The following TMEM209 variants were observed in gnomAD, a reference collection of about 807,000 sequenced individuals.
The protein encoded by TMEM209 is testicular tissue protein Li 202.
TMEM209 carries 65 observed loss-of-function variants against 76.2 expected under a neutral mutation model. The ratio of observed to expected loss-of-function variants is 0.85; its 90% CI spans 0.70 to 1.05. TMEM209 has a LOEUF of 1.05. TMEM209 is among the 50% of genes least tolerant of loss of function. The pLI, the probability that TMEM209 is intolerant of heterozygous loss-of-function variation, is 0.00. For missense variants in TMEM209, 623 were observed against 685.5 expected, an observed-to-expected ratio of 0.91 and a Z score of 1.02; for synonymous variants, 239 against 237.6, an observed-to-expected ratio of 1.01 and a Z score of -0.06.
chr7:130,187,168 G>A (rs922016141), intron 6 of TMEM209, among the ~76,000 whole-genome samples: 2 of 151,574 alleles, frequency 1.3e-5, no homozygotes, highest in Non-Finnish European at 2.9e-5. Flanking sequence ...GCTTGAACCC[G>A]GGAAGCGGAG....
At chr7:130,180,815 G>C (rs1181894069) in intron 9 of TMEM209, among the ~76,000 whole-genome samples, 1 of 152,200 alleles carries the variant, frequency 6.6e-6, no homozygotes, top group Non-Finnish European at 1.5e-5. Flanking sequence ...CATATGACAA[G>C]TGTTGCAAGG....
intron 11 of TMEM209, among the ~76,000 whole-genome samples, chr7:130,174,935 A>T (rs1198712662): frequency 2.6e-5 from 4 of 152,176 alleles, no homozygotes; most frequent in Non-Finnish European, 5.9e-5. Context: ...ACAGAAGTGG[A>T]AAAAAAGCAG....
rs934562782 is a variant in TMEM209 at position 130,202,596 on chromosome 7, A to G, written c.267T>C (p.Thr89=). 1.9e-6 allele frequency: 3 copies of G among 1,613,990 alleles called. No individual in the cohort carries two copies. Among genetic ancestry groups the G allele is most frequent in the Admixed American group, 1.7e-5 (1 of 60,026 alleles). The change falls in exon 4 of 15, where the codon ACT becomes ACC. Residue 89 remains threonine (T), a synonymous_variant. Coordinates refer to ENST00000397622, the MANE Select transcript of TMEM209 (RefSeq NM_032842.4). Reference sequence around the variant, plus strand: ...TAACAACCAGACTTGTTGGTGCCACAGTATATTTGAAATATCTCCAAAAAT... The same window carrying G: ...TAACAACCAGACTTGTTGGTGCCACGGTATATTTGAAATATCTCCAAAAAT... ...LFDFWRYFKY[T]VAPTSLVVSP...
Position 130,165,012 on chromosome 7 carries a change from A to G in TMEM209, c.*1439T>C, listed in dbSNP as rs894277555. On this transcript the variant is annotated 3_prime_UTR_variant, in exon 15 of 15. Coordinates refer to ENST00000397622, the MANE Select transcript of TMEM209 (RefSeq NM_032842.4). ...CAAATACAGAACTGTACTGACTTAA[A>G]TTTGGAATTTACTAATTACTGGGGA... The G allele has an allele frequency of 6.6e-6, 1 of 152,212 alleles. No individual in the cohort carries two copies. Among genetic ancestry groups the G allele is most frequent in the Non-Finnish European group, 1.5e-5 (1 of 68,010 alleles). 9.4% of individuals were successfully genotyped at this position (152,212 alleles called of 1,614,324 possible).
rs756606396 is a variant in TMEM209, at chr7:130,192,724, C to T, written c.673G>A (p.Val225Ile). ...TCTTTGTCAGTAGGTGAGTTGTAGA[C>T]GGTAGGTGAAGAACGGTAGCGAGAT... ...LRSRYRSSPTVYNSPTDKEDY... is the reference protein window; with the variant it reads ...LRSRYRSSPTIYNSPTDKEDY... Residue 225 changes from valine (V) to isoleucine (I), a missense_variant, in exon 6 of 15, where the codon GTC becomes ATC. Physicochemically the swap from Val to Ile is conservative, Grantham distance 29. Coordinates refer to ENST00000397622, the MANE Select transcript of TMEM209 (RefSeq NM_032842.4). 35 of 1,613,674 alleles carry T rather than the reference C, an allele frequency of 2.2e-5. No individual in the cohort carries two copies. Among genetic ancestry groups the T allele is most frequent in the South Asian group, 2.2e-5 (2 of 91,078 alleles).
At chr7:130,201,380 CT>C (rs1393607647) in intron 5 of TMEM209, among the ~76,000 whole-genome samples, 1 of 152,006 alleles carries the variant, frequency 6.6e-6, no homozygotes, top group Non-Finnish European at 1.5e-5. Context: ...AAGGTTCCTA[CT>C]ATTCCATGGA....
chr7:130,196,403 T>A (rs760155466), intron 5 of TMEM209, among the ~76,000 whole-genome samples: 24 of 152,062 alleles, frequency 1.6e-4, no homozygotes, highest in Non-Finnish European at 1.2e-4. Flanking sequence ...CAGACACTGA[T>A]GTAGGTAGCA....
chr7:130,195,715 T>C (rs1797947971), intron 5 of TMEM209, among the ~76,000 whole-genome samples: 1 of 152,124 alleles, frequency 6.6e-6, no homozygotes, highest in Non-Finnish European at 1.5e-5. Flanking sequence ...TGTTTTTATG[T>C]TTTTTCGGTT....
chr7:130,202,637 G>A lies in TMEM209; in HGVS notation c.226C>T (p.Leu76Phe), dbSNP rs760892839. ...IELALASLFSLNALFDFWRYF... is the reference protein window; with the variant it reads ...IELALASLFSFNALFDFWRYF... ...CTCCAAAAATCAAATAAGGCATTAA[G>A]GCTGAAGAGAGATGCAAGGGCAAGC... The change falls in exon 4 of 15, where the codon CTT becomes TTT. Residue 76 changes from leucine to phenylalanine, a missense_variant. Physicochemically the swap from Leu to Phe is conservative, Grantham distance 22. Transcript: ENST00000397622. 1 of 1,613,544 alleles carries A rather than the reference G, an allele frequency of 6.2e-7. No individual in the cohort carries two copies. Among genetic ancestry groups the A allele is most frequent in the Non-Finnish European group, 8.5e-7 (1 of 1,179,722 alleles).
intron 4 of TMEM209, 148 bp downstream of exon 4, chr7:130,202,384 A>G: frequency 1.7e-6 from 2 of 1,173,664 alleles, no homozygotes; most frequent in African/African-American, 1.5e-5. Context: ...TAGGAATGAT[A>G]ATCATTGGTC....
chr7:130,192,680 TA>T lies in TMEM209; in HGVS notation c.716del (p.Leu239HisfsTer48). On this transcript the variant is annotated frameshift_variant, in exon 6 of 15. Coordinates refer to ENST00000397622, the MANE Select transcript of TMEM209 (RefSeq NM_032842.4). LOFTEE classifies it high-confidence loss of function. ...PTDKEDYMTD[L>X]RTLDTFLRSE... ...TTCTGAGAAAAGTATCCAAAGTTCG[TA>T]GGTCGGTCATGTAGTCTTCTTTGTC... is the stretch of plus-strand genomic sequence containing the variant. 2 of 1,613,734 alleles carry T rather than the reference TA, an allele frequency of 1.2e-6. No homozygotes were observed. The highest frequency in any genetic ancestry group is 1.7e-6 in the Non-Finnish European group (2 of 1,179,746).
chr7:130,165,025 T>C lies in TMEM209; in HGVS notation c.*1426A>G, dbSNP rs1584658209. ...GTACTGACTTAAATTTGGAATTTACTAATTACTGGGGATACTTTAGTGAGT... is the reference window on the plus strand; with the variant it reads ...GTACTGACTTAAATTTGGAATTTACCAATTACTGGGGATACTTTAGTGAGT... On this transcript the variant is annotated 3_prime_UTR_variant, in exon 15 of 15. Coordinates refer to ENST00000397622, the MANE Select transcript of TMEM209 (RefSeq NM_032842.4). 6.6e-6 allele frequency: 1 copy of C among 152,220 alleles called. No individual in the cohort carries two copies. The highest frequency in any genetic ancestry group is 2.1e-4 in the South Asian group (1 of 4,838). The allele number at this position is 152,220 out of a possible 1,614,324, so 9.4% of individuals were successfully genotyped here. A position where few individuals can be genotyped will look rare whatever the true frequency, so the allele number is the denominator to read the frequency against.
chr7:130,169,824 C>T (rs1233880948), intron 14 of TMEM209, among the ~76,000 whole-genome samples: 1 of 152,066 alleles, frequency 6.6e-6, no homozygotes, highest in Non-Finnish European at 1.5e-5. Flanking sequence ...TCAGGCACTA[C>T]AAATATCCCT....
chr7:130,187,332 C>T (rs1399931597), intron 6 of TMEM209, among the ~76,000 whole-genome samples: 2 of 151,290 alleles, frequency 1.3e-5, no homozygotes, highest in African/African-American at 2.4e-5. Context: ...TATGAATAGC[C>T]AGTGGTTAAA....
intron 1 of TMEM209, among the ~76,000 whole-genome samples, chr7:130,204,679 A>T (rs1288093052): frequency 6.6e-6 from 1 of 152,246 alleles, no homozygotes; most frequent in Non-Finnish European, 1.5e-5. Flanking sequence ...CTTCCAATAC[A>T]TAAAAATGTC....
intron 11 of TMEM209, chr7:130,175,264 C>G (rs553980012): frequency 1.8e-4 from 64 of 359,756 alleles, no homozygotes; most frequent in African/African-American, 1.2e-3. Flanking sequence ...GACTTCAAGA[C>G]CAGCCTGGGC....
At chr7:130,180,530 G>A (rs945772306) in intron 9 of TMEM209, among the ~76,000 whole-genome samples, 5 of 151,800 alleles carry the variant, frequency 3.3e-5, no homozygotes, top group South Asian at 2.1e-4. Flanking sequence ...CACCATGCTC[G>A]GTTAATTTTG....
At chr7:130,170,355 A>C (rs753700706) in intron 14 of TMEM209, 45 bp downstream of exon 14, 1 of 1,507,742 alleles carries the variant, frequency 6.6e-7, no homozygotes, top group African/African-American at 1.4e-5. Context: ...CATAGGAAGA[A>C]AATCAGTAAA....
Position 130,201,758 on chromosome 7 carries a change from T to C in TMEM209, c.573+92A>G, listed in dbSNP as rs1584699480. On this transcript the variant is annotated intron_variant, in intron 5 of 14. Transcript: ENST00000397622. ...GTTCTGGGCAAATCAACTCTCAGTT[T>C]GCTCACTGATAAGTTTTGACTCATT... The C allele has an allele frequency of 5.4e-6, 8 of 1,484,360 alleles. No homozygotes were observed. The South Asian group carries it at 1.0e-4, about 19-fold the overall frequency. 91.9% of individuals were successfully genotyped at this position (1,484,360 alleles called of 1,614,324 possible). A position where few individuals can be genotyped will look rare whatever the true frequency, so the allele number is the denominator to read the frequency against.
Sources: gnomAD v4.1 joint callset for allele counts (sites outside exome capture counted in the v4.1 genomes callset) on GRCh38, gnomAD v4.1.1 for gene constraint, MANE v1.5 for transcripts, NCBI Gene and HGNC (gene_info 2026-07-23, HGNC 2026-07-21) for gene names.